SKAP1: variants seen among roughly 807,000 people sequenced by gnomAD.
SKAP1 encodes the protein src kinase associated phosphoprotein 1, also known as src kinase-associated phosphoprotein 1.
Under a neutral mutation model 58.5 loss-of-function variants are expected in SKAP1, and 44 were observed. That is an observed-to-expected ratio of 0.75 (90% CI 0.59 to 0.97). The LOEUF (loss-of-function observed/expected upper bound fraction) is 0.97. SKAP1 is among the 50% of genes least tolerant of loss of function. The pLI is 0.00. For missense variants in SKAP1, 390 were observed against 435.2 expected, an observed-to-expected ratio of 0.90 and a Z score of 0.92; for synonymous variants, 127 against 149.7, an observed-to-expected ratio of 0.85 and a Z score of 1.11.
intron 4 of SKAP1, among the ~76,000 whole-genome samples, chr17:48,248,323 T>G (rs747064110): frequency 1.3e-4 from 20 of 152,064 alleles, no homozygotes; most frequent in African/African-American, 1.7e-4. Flanking sequence ...TCCTAGGACT[T>G]TGGGAAGCCG....
intron 1 of SKAP1, among the ~76,000 whole-genome samples, chr17:48,426,756 G>A (rs969721589): frequency 6.6e-6 from 1 of 152,042 alleles, no homozygotes; most frequent in Non-Finnish European, 1.5e-5. Context: ...TTCTATATGA[G>A]AGCTTGACAG....
At chr17:48,207,286 C>A (rs1417967170) in intron 4 of SKAP1, among the ~76,000 whole-genome samples, 1 of 151,968 alleles carries the variant, frequency 6.6e-6, no homozygotes, top group African/African-American at 2.4e-5. Flanking sequence ...GAGTTCAAGA[C>A]CAGGAGTTCT....
At chr17:48,390,160 G>T (rs1371409260) in intron 2 of SKAP1, among the ~76,000 whole-genome samples, 1 of 152,150 alleles carries the variant, frequency 6.6e-6, no homozygotes, top group Non-Finnish European at 1.5e-5. Flanking sequence ...GTGGATACAG[G>T]CTGGGTCCAT....
intron 12 of SKAP1, among the ~76,000 whole-genome samples, chr17:48,134,076 T>C (rs2063670454): frequency 6.6e-6 from 1 of 152,192 alleles, no homozygotes. Flanking sequence ...TTTTTTAAAC[T>C]TACCAACATA....
At chr17:48,147,211 C>T (rs1189692925) in intron 11 of SKAP1, among the ~76,000 whole-genome samples, 3 of 152,068 alleles carry the variant, frequency 2.0e-5, no homozygotes, top group Admixed American at 6.6e-5. Flanking sequence ...GCCCCTAACC[C>T]GAAAGATTAG....
rs561850560 is a variant in SKAP1, at chr17:48,289,951, C to T, written c.280+55954G>A. On this transcript the variant is annotated intron_variant, in intron 4 of 12. Coordinates refer to ENST00000336915, the MANE Select transcript of SKAP1 (RefSeq NM_003726.4). ...ATAATAAACTACATCTGCTGAAGAACTGAACATTAGTTTAAAATCCAGGAG... is the reference window on the plus strand; with the variant it reads ...ATAATAAACTACATCTGCTGAAGAATTGAACATTAGTTTAAAATCCAGGAG... Among the ~76,000 whole-genome samples the T allele has an allele frequency of 2.7e-4, 41 of 152,144 alleles. No homozygotes were observed. In the South Asian group the frequency reaches 8.5e-3, roughly 32 times the overall value.
intron 4 of SKAP1, among the ~76,000 whole-genome samples, chr17:48,315,734 G>A (rs1406284123): frequency 6.6e-6 from 1 of 152,124 alleles, no homozygotes; most frequent in Non-Finnish European, 1.5e-5. Flanking sequence ...CACTGATATG[G>A]TGCCACAAGT....
In SKAP1 at chr17:48,144,183, G is replaced by A. The variant is rs545563267; in HGVS notation, c.979-6846C>T. On this transcript the variant is annotated intron_variant, in intron 11 of 12. Transcript: ENST00000336915. ...TATGCATCCTGCTGTGGGAGCCTGG[G>A]AGCTTAATCAAAGCACCTACAGGTC... Among the ~76,000 whole-genome samples the A allele has an allele frequency of 5.9e-5, 9 of 152,266 alleles. No individual in the cohort carries two copies. The South Asian group carries it at 1.9e-3, about 32-fold the overall frequency.
intron 4 of SKAP1, among the ~76,000 whole-genome samples, chr17:48,213,718 A>C (rs1454829417): frequency 6.6e-6 from 1 of 152,208 alleles, no homozygotes. Context: ...TGTTGAGGAA[A>C]ATCATCTCCA....
intron 3 of SKAP1, among the ~76,000 whole-genome samples, chr17:48,357,854 A>G (rs1451015687): frequency 6.6e-6 from 1 of 152,178 alleles, no homozygotes; most frequent in Non-Finnish European, 1.5e-5. Context: ...TAATTTGTAT[A>G]AAATGTAGCA....
At chr17:48,260,281 C>A (rs781597794) in intron 4 of SKAP1, among the ~76,000 whole-genome samples, 29 of 152,076 alleles carry the variant, frequency 1.9e-4, no homozygotes, top group Admixed American at 3.9e-4. Flanking sequence ...ATTAAGAAAT[C>A]TCCTGTTTGA....
intron 4 of SKAP1, among the ~76,000 whole-genome samples, chr17:48,193,258 G>C (rs1191288963): frequency 6.6e-6 from 1 of 152,038 alleles, no homozygotes; most frequent in Non-Finnish European, 1.5e-5. Context: ...GGTCAGGCTG[G>C]TCTTGAACTC....
At chr17:48,403,004 G>T (rs1276269359) in intron 1 of SKAP1, among the ~76,000 whole-genome samples, 1 of 152,094 alleles carries the variant, frequency 6.6e-6, no homozygotes, top group African/African-American at 2.4e-5. Context: ...ACAATTCTGT[G>T]AATATACTAG....
At chr17:48,259,447 A>G (rs913815928) in intron 4 of SKAP1, among the ~76,000 whole-genome samples, 1 of 152,174 alleles carries the variant, frequency 6.6e-6, no homozygotes, top group African/African-American at 2.4e-5. Flanking sequence ...AAATAGGAAC[A>G]TACATTGTTT....
intron 2 of SKAP1, among the ~76,000 whole-genome samples, chr17:48,372,902 C>A (rs115082403): frequency 2.0e-5 from 3 of 151,966 alleles, no homozygotes; most frequent in African/African-American, 7.3e-5. Flanking sequence ...CCTGCTTTGG[C>A]CTCCCCAAAG....
At chr17:48,405,422 T>TTTCC (rs2067562112) in intron 1 of SKAP1, among the ~76,000 whole-genome samples, 1 of 82,252 alleles carries the variant, frequency 1.2e-5, no homozygotes, top group African/African-American at 5.1e-5. Flanking sequence ...TCTTTCTTTC[T>TTTCC]TTCTTTCTTT....
At chr17:48,402,052 T>A (rs1213506601) in intron 1 of SKAP1, among the ~76,000 whole-genome samples, 3 of 152,026 alleles carry the variant, frequency 2.0e-5, no homozygotes, top group African/African-American at 7.2e-5. Context: ...ATCAGGGAAA[T>A]GCAAATCAAA....
chr17:48,331,580 T>A, intron 4 of SKAP1, among the ~76,000 whole-genome samples: 1 of 151,976 alleles, frequency 6.6e-6, no homozygotes, highest in Non-Finnish European at 1.5e-5. Flanking sequence ...ATGCCTGTAA[T>A]CTCAGCTACT....
In SKAP1 at chr17:48,237,348, T is replaced by C. The variant is rs189568534; in HGVS notation, c.281-47848A>G. On this transcript the variant is annotated intron_variant, in intron 4 of 12. Transcript: ENST00000336915. ...CTGACATCAAAATTCTTTTTTTGTTTGTGAAATCACGTAGCTAGAAGGTGG... is the reference window on the plus strand; with the variant it reads ...CTGACATCAAAATTCTTTTTTTGTTCGTGAAATCACGTAGCTAGAAGGTGG... Among the ~76,000 whole-genome samples, 470 of 152,362 alleles carry C rather than the reference T, an allele frequency of 3.1e-3. 3 individuals are homozygous for C. Among genetic ancestry groups the C allele is most frequent in the African/African-American group, 0.01 (433 of 41,574 alleles).
Sources: allele counts gnomAD v4.1 joint callset (sites outside exome capture counted in the v4.1 genomes callset), GRCh38; gene constraint gnomAD v4.1.1; transcripts MANE v1.5; gene names NCBI Gene and HGNC (gene_info 2026-07-23, HGNC 2026-07-21).